Variants in JPH1 observed in about 807,000 individuals in gnomAD.
The protein encoded by JPH1 is junctophilin-1.
In JPH1, 12 loss-of-function variants were observed where a neutral mutation model predicts 53.6. That is an observed-to-expected ratio of 0.22 (90% CI 0.14 to 0.36). The LOEUF is 0.36. Ranked by LOEUF, JPH1 falls within the 10% of genes least tolerant of loss-of-function variation. The probability of loss-of-function intolerance (pLI) is 1.00; values close to 1 mark genes in which losing one functional copy is unlikely to be tolerated. For missense variants in JPH1, 808 were observed against 905.5 expected (o/e 0.89, Z 1.38); for synonymous variants, 375 against 363.8 (o/e 1.03, Z -0.35).
At chr8:74,267,233 T>C (rs943171745) in intron 2 of JPH1, among the ~76,000 whole-genome samples, 12 of 151,864 alleles carry the variant, frequency 7.9e-5, no homozygotes, top group Admixed American at 3.9e-4. Context: ...AGAAGATGAG[T>C]TCAACGAAAG....
rs1272977943 is a variant in JPH1, at chr8:74,235,141, A to T, written c.*1910T>A. ...TTAAATATTTTATTATTATTTTTTT[A>T]AAAAACCAGCTTTCCCAGCGTAAGG... On this transcript the variant is annotated 3_prime_UTR_variant, in exon 6 of 6. Coordinates refer to ENST00000342232, the MANE Select transcript of JPH1 (RefSeq NM_020647.4). The T allele has an allele frequency of 6.6e-6, 1 of 152,266 alleles. No homozygotes were observed. Among genetic ancestry groups the T allele is most frequent in the Non-Finnish European group, 1.5e-5 (1 of 68,028 alleles). The allele number at this position is 152,266 out of a possible 1,614,324, so 9.4% of individuals were successfully genotyped here. A position where few individuals can be genotyped will look rare whatever the true frequency, so the allele number is the denominator to read the frequency against.
intron 2 of JPH1, among the ~76,000 whole-genome samples, chr8:74,306,588 T>TGGTGA (rs1413222505): frequency 8.0e-6 from 1 of 125,030 alleles, no homozygotes; most frequent in Non-Finnish European, 1.8e-5. Flanking sequence ...AAAAGGATGA[T>TGGTGA]GGTGATCTAC....
At chr8:74,287,550 AAATTTAG>A (rs1807202512) in intron 2 of JPH1, among the ~76,000 whole-genome samples, 1 of 152,172 alleles carries the variant, frequency 6.6e-6, no homozygotes, top group African/African-American at 2.4e-5. Flanking sequence ...ATGGGCTACT[AAATTTAG>A]AAACAGCCTA....
At chr8:74,312,267 T>C (rs1464783958) in intron 2 of JPH1, among the ~76,000 whole-genome samples, 1 of 152,228 alleles carries the variant, frequency 6.6e-6, no homozygotes, top group Non-Finnish European at 1.5e-5. Flanking sequence ...TTTTGTTTTT[T>C]TTGAGACAGG....
At chr8:74,254,624 T>G (rs1180175845) in intron 3 of JPH1, among the ~76,000 whole-genome samples, 2 of 152,150 alleles carry the variant, frequency 1.3e-5, no homozygotes, top group Admixed American at 6.5e-5. Flanking sequence ...GCAGATGACA[T>G]GATTGTATAT....
chr8:74,304,324 G>A (rs2131450815), intron 2 of JPH1, among the ~76,000 whole-genome samples: 1 of 152,288 alleles, frequency 6.6e-6, no homozygotes, highest in East Asian at 1.9e-4. Context: ...ATGGGCCTGG[G>A]CTACCATCAC....
intron 4 of JPH1, among the ~76,000 whole-genome samples, chr8:74,239,042 G>A (rs1453300955): frequency 1.3e-5 from 2 of 152,268 alleles, no homozygotes; most frequent in South Asian, 2.1e-4. Context: ...GGGGGAGGGA[G>A]AGGAAGTAAA....
chr8:74,267,914 G>T (rs143836158), intron 2 of JPH1, among the ~76,000 whole-genome samples: 1 of 152,208 alleles, frequency 6.6e-6, no homozygotes, highest in African/African-American at 2.4e-5. Context: ...AAGAATATAA[G>T]AACAGTGAAA....
At chr8:74,272,229 A>G (rs1306695884) in intron 2 of JPH1, among the ~76,000 whole-genome samples, 1 of 141,546 alleles carries the variant, frequency 7.1e-6, no homozygotes, top group African/African-American at 2.6e-5. Flanking sequence ...CTCCAACAAA[A>G]CCTCAACATA....
rs114931205 is a variant in JPH1, at chr8:74,287,389, C to T, written c.1139+27472G>A. On this transcript the variant is annotated intron_variant, in intron 2 of 5. Coordinates refer to ENST00000342232, the MANE Select transcript of JPH1 (RefSeq NM_020647.4). ...GTTGCAGTGAGCCAAGATTGCACTC[C>T]GGACTGGGCAACAGAGCGAGACTCT... is the stretch of plus-strand genomic sequence containing the variant. Among the ~76,000 whole-genome samples, 1,498 of 150,812 alleles carry T rather than the reference C, an allele frequency of 9.9e-3. 20 individuals are homozygous for T. The highest frequency in any genetic ancestry group is 0.034 in the African/African-American group (1,406 of 40,864).
At chr8:74,301,720 G>C (rs1348608371) in intron 2 of JPH1, among the ~76,000 whole-genome samples, 4 of 152,126 alleles carry the variant, frequency 2.6e-5, no homozygotes, top group Admixed American at 2.6e-4. Context: ...TATGCCCTCA[G>C]TGTTCTTCCC....
chr8:74,239,885 A>T (rs866774333), intron 4 of JPH1, among the ~76,000 whole-genome samples: 3 of 152,248 alleles, frequency 2.0e-5, no homozygotes, highest in Admixed American at 6.5e-5. Flanking sequence ...ACCAGCATAG[A>T]ATGTGTAATA....
At chr8:74,247,888 A>G (rs1162532355) in intron 3 of JPH1, among the ~76,000 whole-genome samples, 1 of 152,222 alleles carries the variant, frequency 6.6e-6, no homozygotes, top group East Asian at 1.9e-4. Context: ...CAATATATAC[A>G]TTAAAAACAT....
intron 2 of JPH1, among the ~76,000 whole-genome samples, chr8:74,274,597 C>A (rs1431488752): frequency 6.6e-6 from 1 of 152,144 alleles, no homozygotes; most frequent in African/African-American, 2.4e-5. Flanking sequence ...AGGGTATAAG[C>A]TCTTACCTGG....
intron 2 of JPH1, among the ~76,000 whole-genome samples, chr8:74,267,655 C>T (rs141303277): frequency 7.2e-5 from 11 of 152,232 alleles, no homozygotes; most frequent in African/African-American, 2.4e-4. Flanking sequence ...GCAGAAGAAG[C>T]CGAGGAAGCA....
intron 2 of JPH1, among the ~76,000 whole-genome samples, chr8:74,266,913 A>G (rs1180549605): frequency 6.6e-6 from 1 of 152,226 alleles, no homozygotes; most frequent in Non-Finnish European, 1.5e-5. Context: ...GAGGTGTCAG[A>G]ACTTTGTAAA....
chr8:74,283,563 C>A (rs1485274623), intron 2 of JPH1, among the ~76,000 whole-genome samples: 1 of 152,160 alleles, frequency 6.6e-6, no homozygotes, highest in South Asian at 2.1e-4. Flanking sequence ...GGCAGAAATA[C>A]AGGTAGGCAG....
At chr8:74,319,911 T>C (rs1460024213) in intron 1 of JPH1, among the ~76,000 whole-genome samples, 1 of 152,252 alleles carries the variant, frequency 6.6e-6, no homozygotes, top group Non-Finnish European at 1.5e-5. Context: ...TGACACCTGT[T>C]TCAATAATGT....
At chr8:74,240,702 T>G (rs949293946) in intron 4 of JPH1, among the ~76,000 whole-genome samples, 1 of 152,226 alleles carries the variant, frequency 6.6e-6, no homozygotes, top group Non-Finnish European at 1.5e-5. Flanking sequence ...TTTAGTGATA[T>G]GAAAGGTGAG....
Sources: allele counts gnomAD v4.1 joint callset (sites outside exome capture counted in the v4.1 genomes callset), GRCh38; gene constraint gnomAD v4.1.1; transcripts MANE v1.5; gene names NCBI Gene and HGNC (gene_info 2026-07-23, HGNC 2026-07-21).